The following ZFHX3 variants were observed in gnomAD, a reference collection of about 807,000 sequenced individuals.
ZFHX3 encodes the protein zinc finger homeobox protein 3.
Under a neutral mutation model 279.1 loss-of-function variants are expected in ZFHX3, and 42 were observed. The ratio of observed to expected loss-of-function variants is 0.15; its 90% confidence interval spans 0.12 to 0.19. The LOEUF (loss-of-function observed/expected upper bound fraction) is 0.19, where lower values mean the gene tolerates loss of function less well. ZFHX3 is among the 10% of genes least tolerant of loss of function. The pLI is 1.00. For missense variants in ZFHX3, 4,981 were observed against 4,754.0 expected (o/e 1.05, Z -1.40); for synonymous variants, 2,293 against 1,957.8 (o/e 1.17, Z -4.52).
intron 4 of ZFHX3, among the ~76,000 whole-genome samples, chr16:72,881,737 C>T (rs146344763): frequency 6.6e-6 from 1 of 152,270 alleles, no homozygotes; most frequent in Non-Finnish European, 1.5e-5. Flanking sequence ...CAGAGGACGG[C>T]TGCCACTTCC....
intron 3 of ZFHX3, among the ~76,000 whole-genome samples, chr16:72,944,225 C>T (rs1960552956): frequency 6.6e-6 from 1 of 152,166 alleles, no homozygotes; most frequent in Admixed American, 6.5e-5. Context: ...GCAGACGTTG[C>T]AGCCAGCCGA....
At chr16:73,427,240 GT>G (rs528649191) in intron 3 of ZFHX3, among the ~76,000 whole-genome samples, 2 of 152,194 alleles carry the variant, frequency 1.3e-5, no homozygotes, top group Non-Finnish European at 2.9e-5. Flanking sequence ...TCACTTATTT[GT>G]GGCTCTGTGT....
chr16:72,834,280 C>A (rs1567539374), intron 4 of ZFHX3, among the ~76,000 whole-genome samples: 1 of 152,164 alleles, frequency 6.6e-6, no homozygotes. Context: ...CTTTCCATCA[C>A]CACCTCCTTT....
chr16:72,894,280 C>G (rs73590766), intron 3 of ZFHX3, among the ~76,000 whole-genome samples: 18,035 of 152,166 alleles, frequency 0.12, 1,227 homozygotes, highest in African/African-American at 0.19. Context: ...AAGTCCTGCT[C>G]TCCCCAGATT....
At chr16:73,799,616 C>T (rs1960087138) in intron 1 of ZFHX3, among the ~76,000 whole-genome samples, 2 of 152,148 alleles carry the variant, frequency 1.3e-5, no homozygotes, top group South Asian at 4.1e-4. Context: ...AAGAAAAAAG[C>T]CTTCCCCTGC....
chr16:72,794,995 G>A lies in ZFHX3; in HGVS notation c.7687C>T (p.Pro2563Ser). 2 of 1,614,194 alleles carry A rather than the reference G, an allele frequency of 1.2e-6. No homozygotes were observed. Among genetic ancestry groups the A allele is most frequent in the Admixed American group, 1.7e-5 (1 of 60,020 alleles). ...FLSAQNQFIH[P>S]QFLDRSLDMP... is the part of the protein sequence containing the mutation. ...TCCAGGGACCTGTCCAAAAACTGGG[G>A]GTGGATGAACTGGTTCTGCGCGCTC... The change falls in exon 9 of 10, where the codon CCC becomes TCC. Residue 2563 changes from proline (P) to serine (S), a missense_variant. By Grantham distance (74) the Pro-to-Ser change is moderately conservative. Around this residue, in one of 7 missense-constraint regions of ZFHX3, gnomAD observed 744 missense variants for 701.3 expected, o/e 1.06. Coordinates refer to ENST00000268489, the MANE Select transcript of ZFHX3 (RefSeq NM_006885.4). The surrounding 1 kb of genome is among the most constrained non-coding windows in gnomAD (Gnocchi z 4.2).
chr16:73,298,279 G>A (rs1411751454), intron 4 of ZFHX3, among the ~76,000 whole-genome samples: 1 of 151,306 alleles, frequency 6.6e-6, no homozygotes, highest in African/African-American at 2.4e-5. Context: ...GCCCCTCCCA[G>A]GTTCAAGCGA....
At chr16:73,657,796 C>T (rs2052737868) in intron 2 of ZFHX3, among the ~76,000 whole-genome samples, 1 of 152,154 alleles carries the variant, frequency 6.6e-6, no homozygotes, top group East Asian at 1.9e-4. Context: ...CTTTCTATGG[C>T]TGAATAGTAT....
chr16:73,716,468 C>A (rs1317556253), intron 1 of ZFHX3, among the ~76,000 whole-genome samples: 1 of 152,156 alleles, frequency 6.6e-6, no homozygotes, highest in African/African-American at 2.4e-5. Flanking sequence ...CCTTAATCCA[C>A]CCCTTGCAAC....
rs151187569 is a variant in ZFHX3, at chr16:73,435,393, A to G, written c.-1291+20610T>C. Among the ~76,000 whole-genome samples the G allele has an allele frequency of 3.0e-3, 459 of 152,100 alleles. 2 individuals carry two copies. Among genetic ancestry groups the G allele is most frequent in the African/African-American group, 0.011 (446 of 41,506 alleles). On this transcript the variant is annotated intron_variant, in intron 3 of 17. Coordinates refer to the ZFHX3 transcript ENST00000641206. ...CCAGCTAATTTTTGGTATTTTTAGT[A>G]AAGATGGGATTTTGCCATGTTGGGC...
chr16:73,227,592 T>C (rs9929518), intron 5 of ZFHX3, among the ~76,000 whole-genome samples: 11,825 of 152,096 alleles, frequency 0.078, 1,428 homozygotes, highest in African/African-American at 0.26. Context: ...CTGACATCTG[T>C]AATCCGAGGA....
At chr16:72,831,760 G>A (rs551802850) in intron 4 of ZFHX3, among the ~76,000 whole-genome samples, 1 of 152,062 alleles carries the variant, frequency 6.6e-6, no homozygotes, top group African/African-American at 2.4e-5. Context: ...TATTGCATTC[G>A]GTCTACCCAG....
At chr16:72,987,119 C>A (rs1259400203) in intron 1 of ZFHX3, among the ~76,000 whole-genome samples, 1 of 152,128 alleles carries the variant, frequency 6.6e-6, no homozygotes, top group East Asian at 1.9e-4. Flanking sequence ...TGTGATCCAG[C>A]CACTACACGC....
chr16:73,229,014 A>T (rs186030264), intron 5 of ZFHX3, among the ~76,000 whole-genome samples: 2 of 152,270 alleles, frequency 1.3e-5, no homozygotes, highest in African/African-American at 4.8e-5. Flanking sequence ...TATATACTCA[A>T]TATACTCAAT....
rs7193297 is a variant in ZFHX3 at position 72,959,932 on chromosome 16, A to C, written c.214T>G (p.Ser72Ala). The change falls in exon 2 of 10, where the codon TCC becomes GCC. Residue 72 changes from serine (S) to alanine (A), a missense_variant. Physicochemically the swap from Ser to Ala is moderately conservative, Grantham distance 99. Transcript: ENST00000268489. Reference protein sequence around the residue: ...AESTASAGPPSEPASKEVTCN... With the variant: ...AESTASAGPPAEPASKEVTCN... ...GTGACCTCCTTGCTGGCGGGCTCGG[A>C]GGGGGGCCCGGCCGACGCGGTGCTC... The C allele has an allele frequency of 0.41, 655,627 of 1,596,348 alleles. 140,363 individuals are homozygous for C. Among genetic ancestry groups the C allele is most frequent in the African/African-American group, 0.71 (52,664 of 74,530 alleles).
At chr16:73,753,184 T>A (rs2053776307) in intron 1 of ZFHX3, among the ~76,000 whole-genome samples, 1 of 152,158 alleles carries the variant, frequency 6.6e-6, no homozygotes, top group South Asian at 2.1e-4. Context: ...ACAGTGCTAT[T>A]GGCTGTGAGT....
At position 72,995,318 on chromosome 16, in the gene ZFHX3, T is replaced by G. The variant is rs1431007349; in HGVS notation, c.-49-35124A>C. Among the ~76,000 whole-genome samples, 4 of 152,258 alleles carry G rather than the reference T, an allele frequency of 2.6e-5. 1 individual carries two copies. In the South Asian group the frequency reaches 6.2e-4, roughly 24 times the overall value. On this transcript the variant is annotated intron_variant, in intron 1 of 9. Transcript: ENST00000268489. ...TTCGCCCGTGCCTCTCCAATCTGGG[T>G]GCCCTGGAGGACGGAACGGGAACTG...
At chr16:73,182,246 T>G (rs1318700798) in intron 5 of ZFHX3, among the ~76,000 whole-genome samples, 1 of 152,100 alleles carries the variant, frequency 6.6e-6, no homozygotes, top group African/African-American at 2.4e-5. Context: ...CACCTGAGGT[T>G]GGGAGTTCGA....
intron 1 of ZFHX3, among the ~76,000 whole-genome samples, chr16:73,682,856 A>G (rs1285235271): frequency 1.2e-4 from 3 of 24,628 alleles, no homozygotes; most frequent in East Asian, 6.9e-3. Flanking sequence ...AAGAAAGAGA[A>G]AGAAAGAAAG....
Sources: allele counts gnomAD v4.1 joint callset (sites outside exome capture counted in the v4.1 genomes callset), GRCh38; gene constraint gnomAD v4.1.1; regional missense constraint gnomAD v4.1.1; non-coding constraint Gnocchi (gnomAD v3.1); transcripts MANE v1.5; gene names NCBI Gene and HGNC (gene_info 2026-07-23, HGNC 2026-07-21).